Variants in BAZ2A observed in about 807,000 individuals in gnomAD.
The protein encoded by BAZ2A is bromodomain adjacent to zinc finger domain protein 2A.
BAZ2A carries 34 observed loss-of-function variants against 199.9 expected under a neutral mutation model. The observed-to-expected ratio is 0.17, with a 90% CI of 0.13 to 0.23. The LOEUF (loss-of-function observed/expected upper bound fraction) is 0.23, where lower values mean the gene tolerates loss of function less well. Ranked by LOEUF, BAZ2A falls within the 10% of genes least tolerant of loss-of-function variation. BAZ2A has a pLI of 1.00. For synonymous variants in BAZ2A, 857 were observed against 883.9 expected (o/e 0.97, Z 0.54); for missense variants, 2,002 against 2,391.1 (o/e 0.84, Z 3.39).
chr12:56,613,689 T>G lies in BAZ2A; in HGVS notation c.916+264A>C, dbSNP rs748611299. Among the ~76,000 whole-genome samples, 6 of 152,312 alleles carry G rather than the reference T, an allele frequency of 3.9e-5. No individual in the cohort carries two copies. The South Asian group carries it at 1.2e-3, about 32-fold the overall frequency. ...CCCAGAAAGATCAACTGTGTGATAATAAGTCCCTACCCAGTGAATTATTAC... is the reference window on the plus strand; with the variant it reads ...CCCAGAAAGATCAACTGTGTGATAAGAAGTCCCTACCCAGTGAATTATTAC... On this transcript the variant is annotated intron_variant, in intron 4 of 28. Transcript: ENST00000549884.
chr12:56,630,374 C>T, upstream of BAZ2A: 12 of 683,772 alleles, frequency 1.8e-5, no homozygotes, highest in Non-Finnish European at 2.2e-5. Context: ...GAGAGAGTCT[C>T]CCCACGCGGC....
At chr12:56,631,384 G>A (rs1000446712), upstream of BAZ2A, among the ~76,000 whole-genome samples, 2 of 150,938 alleles carry the variant, frequency 1.3e-5, no homozygotes, top group African/African-American at 4.9e-5. Context: ...CTGGGAGGTG[G>A]AGGTTGCAGT....
At chr12:56,638,143 C>G (rs1191799610), upstream of BAZ2A, 2 of 584,436 alleles carry the variant, frequency 3.4e-6, no homozygotes, top group African/African-American at 3.7e-5. Context: ...TCAGTGTTGA[C>G]TATGTTGTCA....
In BAZ2A at chr12:56,611,889, G is replaced by A. The variant is rs762450030; in HGVS notation, c.1493C>T (p.Ser498Phe). 6.2e-7 allele frequency: 1 copy of A among 1,606,582 alleles called. No homozygotes were observed. Among genetic ancestry groups the A allele is most frequent in the Non-Finnish European group, 8.5e-7 (1 of 1,175,412 alleles). The change falls in exon 6 of 29, where the codon TCC becomes TTC. Residue 498 changes from serine to phenylalanine, a missense_variant. This residue lies in a region of BAZ2A where 641 missense variants were observed against 694.5 expected (regional missense o/e 0.92). Coordinates refer to ENST00000549884, the MANE Select transcript of BAZ2A (RefSeq NM_001300905.2). Reference protein sequence around the residue: ...VTSPKASPVTSPAAAFPTASP... With the variant: ...VTSPKASPVTFPAAAFPTASP... ...GGCTGTTGGAAAGGCAGCTGCTGGG[G>A]AAGTTACGGGAGAGGCTTTTGGGGA...
intron 13 of BAZ2A, 170 bp from the exon 14 acceptor site, chr12:56,605,497 C>A (rs117041792): frequency 0.012 from 8,870 of 762,532 alleles, 87 homozygotes; most frequent in Non-Finnish European, 0.014. Flanking sequence ...TCTCTGCTTA[C>A]TGCAGCCTCG....
At chr12:56,612,824 T>C (rs1950604619) in intron 5 of BAZ2A, among the ~76,000 whole-genome samples, 191 bp downstream of exon 5, 2 of 152,174 alleles carry the variant, frequency 1.3e-5, no homozygotes, top group South Asian at 2.1e-4. Flanking sequence ...GGTTTCACCA[T>C]GTTGGCCAGG....
chr12:56,608,014 C>T (rs938493178), intron 10 of BAZ2A, among the ~76,000 whole-genome samples: 17 of 148,176 alleles, frequency 1.1e-4, no homozygotes, highest in African/African-American at 4.0e-4. Flanking sequence ...TGGGAGGTTG[C>T]GGTGAGCCAA....
chr12:56,599,460 A>G (rs1446983412), intron 26 of BAZ2A, 102 bp from the exon 27 acceptor site: 9 of 1,358,098 alleles, frequency 6.6e-6, no homozygotes, highest in African/African-American at 4.4e-5. Context: ...AAATACTATC[A>G]TGCATAAGCC....
Position 56,600,682 on chromosome 12 carries a change from C to T in BAZ2A, c.4601G>A (p.Arg1534Gln), listed in dbSNP as rs767360421. The change falls in exon 23 of 29, where the codon CGG becomes CAG. Residue 1534 changes from arginine (R) to glutamine (Q), a missense_variant and splice_region_variant. Transcript: ENST00000549884. ...QRVIMSDLQI[R>Q]GWTCPSPDST... The stretch of plus-strand genomic sequence containing the variant: ...TACACAGTGCCAATCCCAGCATACC[C>T]GAATCTGCAGATCAGACATGATAAC... 7.4e-6 allele frequency: 12 copies of T among 1,612,322 alleles called. No homozygotes were observed. Among genetic ancestry groups the T allele is most frequent in the Middle Eastern group, 1.8e-4 (1 of 5,420 alleles).
rs1950689737 is a variant in BAZ2A at position 56,615,553 on chromosome 12, G to A, written c.191C>T (p.Thr64Ile). 2 of 1,612,998 alleles carry A rather than the reference G, an allele frequency of 1.2e-6. No homozygotes were observed. Among genetic ancestry groups the A allele is most frequent in the Non-Finnish European group, 1.7e-6 (2 of 1,179,728 alleles). Residue 64 changes from threonine (T) to isoleucine (I), a missense_variant, in exon 3 of 29, where the codon ACT becomes ATT. Thr to Ile is a moderately conservative substitution (Grantham distance 89). Around this residue, in one of 6 missense-constraint regions of BAZ2A, gnomAD observed 641 missense variants for 694.5 expected, o/e 0.92. Transcript: ENST00000549884. ...NGLSTVSHTT[T>I]SGILNSAPHS... The stretch of plus-strand genomic sequence containing the variant: ...GGGAGCAGAGTTCAAAATCCCTGAA[G>A]TAGTAGTGTGAGATACAGTAGATAA...
At chr12:56,604,044 A>G (rs1950266202) in intron 16 of BAZ2A, among the ~76,000 whole-genome samples, 173 bp downstream of exon 16, 1 of 152,132 alleles carries the variant, frequency 6.6e-6, no homozygotes, top group South Asian at 2.1e-4. Flanking sequence ...ACTGGTGAGG[A>G]ACATGATAGT....
chr12:56,601,394 T>A lies in BAZ2A; in HGVS notation c.4080A>T (p.Arg1360Ser), dbSNP rs1253466069. The change falls in exon 21 of 29, where the codon AGA becomes AGT. Residue 1360 changes from arginine to serine, a missense_variant. Coordinates refer to ENST00000549884, the MANE Select transcript of BAZ2A (RefSeq NM_001300905.2). ...GAGAACAAGGGTTGGCAGCACTAGGTCTATTCATCTGTGAATAAAATGAGA... is the reference window on the plus strand; with the variant it reads ...GAGAACAAGGGTTGGCAGCACTAGGACTATTCATCTGTGAATAAAATGAGA... ...QQLASSKPMN[R>S]PSAANPCSPV... The A allele has an allele frequency of 1.8e-5, 29 of 1,613,042 alleles. No homozygotes were observed. Among genetic ancestry groups the A allele is most frequent in the Non-Finnish European group, 2.3e-5 (27 of 1,179,574 alleles).
Position 56,600,813 on chromosome 12 carries a change from C to A in BAZ2A, c.4470G>T (p.Arg1490Ser), listed in dbSNP as rs1268484705. 4 of 1,613,614 alleles carry A rather than the reference C, an allele frequency of 2.5e-6. No homozygotes were observed. The highest frequency in any genetic ancestry group is 3.4e-6 in the Non-Finnish European group (4 of 1,179,814). ...TCCCTTCTTGAAAGGCAGGTAGTTG[C>A]CTGGGCTCAAAGATGGGGTCTGAGA... is the stretch of plus-strand genomic sequence containing the variant. ...RPSADPIFEPRQLPAFQEGIM... is the reference protein window; with the variant it reads ...RPSADPIFEPSQLPAFQEGIM... The change falls in exon 23 of 29, where the codon AGG (arginine) becomes AGT (serine). Residue 1490 changes from arginine (R) to serine (S), a missense_variant. Transcript: ENST00000549884.
At position 56,605,929 on chromosome 12, in the gene BAZ2A, G is replaced by C; in HGVS notation, c.2394C>G (p.Thr798=). 6.4e-7 allele frequency: 1 copy of C among 1,568,236 alleles called. No homozygotes were observed. The highest frequency in any genetic ancestry group is 8.7e-7 in the Non-Finnish European group (1 of 1,155,926). Residue 798 remains threonine, a synonymous_variant, in exon 13 of 29, where the codon ACC becomes ACG. Coordinates refer to ENST00000549884, the MANE Select transcript of BAZ2A (RefSeq NM_001300905.2). Reference sequence around the variant, plus strand: ...CCTCCAAGCGCCTCTGTGTGGCCAGGGTCTTATCTGCTTTACAGGCTGGCT... The same window carrying C: ...CCTCCAAGCGCCTCTGTGTGGCCAGCGTCTTATCTGCTTTACAGGCTGGCT... ...KAKPACKADK[T]LATQRRLEER...
At chr12:56,614,420 C>T (rs898688289) in intron 3 of BAZ2A, 1 of 336,802 alleles carries the variant, frequency 3.0e-6, no homozygotes, top group Non-Finnish European at 5.5e-6. Flanking sequence ...AACGAGAAAA[C>T]ATCCTGTAAT....
chr12:56,618,083 A>T (rs1362520261), intron 1 of BAZ2A, among the ~76,000 whole-genome samples: 1 of 152,206 alleles, frequency 6.6e-6, no homozygotes, highest in Non-Finnish European at 1.5e-5. Context: ...ACATTAGTAA[A>T]GGGATTTGAA....
In BAZ2A at chr12:56,630,290, G is replaced by T; in HGVS notation, c.-168C>A. The T allele has an allele frequency of 1.0e-6, 1 of 984,918 alleles. No homozygotes were observed. The highest frequency in any genetic ancestry group is 1.2e-6 in the Non-Finnish European group (1 of 829,410). 61.0% of individuals were successfully genotyped at this position (984,918 alleles called of 1,614,324 possible). A position where few individuals can be genotyped will look rare whatever the true frequency, so the allele number is the denominator to read the frequency against. On this transcript the variant is annotated 5_prime_UTR_variant, in exon 1 of 29. Transcript: ENST00000549884. ...GAGGGGGACGCGGCTCAACCGCGGG[G>T]CCCGAGAGGAGCCAACATGGCCGGC...
At chr12:56,638,057 C>T (rs1951483659), upstream of BAZ2A, 2 of 364,516 alleles carry the variant, frequency 5.5e-6, no homozygotes, top group South Asian at 4.3e-5. Flanking sequence ...AGATCTCGAG[C>T]CCAGGAGTTA....
In BAZ2A at chr12:56,604,818, A is replaced by G; in HGVS notation, c.2749-19T>C. 6.2e-7 allele frequency: 1 copy of G among 1,608,714 alleles called. No individual in the cohort carries two copies. The highest frequency in any genetic ancestry group is 8.5e-7 in the Non-Finnish European group (1 of 1,176,982). On this transcript the variant is annotated intron_variant, in intron 14 of 28. Coordinates refer to ENST00000549884, the MANE Select transcript of BAZ2A (RefSeq NM_001300905.2). The stretch of plus-strand genomic sequence containing the variant: ...TTAGGGACTGTGTGGAGGACAGCAT[A>G]ATGGGGGTGAGTAGGGAAAGATGCA...
Sources: gnomAD v4.1 joint callset for allele counts (sites outside exome capture counted in the v4.1 genomes callset) on GRCh38, gnomAD v4.1.1 for gene constraint, gnomAD v4.1.1 regional missense constraint, MANE v1.5 for transcripts, NCBI Gene and HGNC (gene_info 2026-07-23, HGNC 2026-07-21) for gene names.